MYO18B: variants seen among roughly 807,000 people sequenced by gnomAD.
MYO18B encodes unconventional myosin-XVIIIb.
In MYO18B, 204 loss-of-function variants were observed where a neutral mutation model predicts 273.0. The observed-to-expected ratio is 0.75, with a 90% confidence interval of 0.67 to 0.84. The LOEUF (loss-of-function observed/expected upper bound fraction) is 0.84, where lower values mean the gene tolerates loss of function less well. Ranked by LOEUF, MYO18B falls within the 40% of genes least tolerant of loss-of-function variation. The pLI is 0.00. For missense variants in MYO18B, 3,212 were observed against 3,287.6 expected (o/e 0.98, Z 0.56); for synonymous variants, 1,330 against 1,305.7 (o/e 1.02, Z -0.40).
Position 25,941,467 on chromosome 22 carries a change from G to A in MYO18B, c.5518-4670G>A, listed in dbSNP as rs143826732. ...TCTTCCTGGAGCTCCTCAGGGGAAG[G>A]CATTTTCAAAGGCGAGTCTGGCCAG... is the stretch of plus-strand genomic sequence containing the variant. On this transcript the variant is annotated intron_variant, in intron 34 of 43. Transcript: ENST00000335473. Among the ~76,000 whole-genome samples, 14 of 152,288 alleles carry A rather than the reference G, an allele frequency of 9.2e-5. No homozygotes were observed. The East Asian group carries it at 1.7e-3, about 19-fold the overall frequency.
rs151068851 is a variant in MYO18B, at chr22:25,895,139, C to T, written c.4544-17C>T. The T allele has an allele frequency of 1.2e-6, 2 of 1,611,636 alleles. No individual in the cohort carries two copies. Among genetic ancestry groups the T allele is most frequent in the African/African-American group, 1.3e-5 (1 of 75,040 alleles). On this transcript the variant is annotated splice_polypyrimidine_tract_variant and intron_variant, in intron 27 of 43. Coordinates refer to ENST00000335473, the MANE Select transcript of MYO18B (RefSeq NM_032608.7). Reference sequence around the variant, plus strand: ...CATTTGGCCTCTTATCCTGGTCTCCCTGACTCCGTTAAACAGCAGACGAGT... The same window carrying T: ...CATTTGGCCTCTTATCCTGGTCTCCTTGACTCCGTTAAACAGCAGACGAGT...
Position 25,750,465 on chromosome 22 carries a change from T to G in MYO18B, c.-110+8172T>G, listed in dbSNP as rs77180535. ...CTTCAGTTCTCCAGCATCCTTTTTT[T>G]CCCTCGCTGTCTGGCCTCCGATATG... On this transcript the variant is annotated intron_variant, in intron 1 of 43. Coordinates refer to ENST00000335473, the MANE Select transcript of MYO18B (RefSeq NM_032608.7). Among the ~76,000 whole-genome samples the G allele has an allele frequency of 7.9e-3, 1,204 of 152,258 alleles. 9 individuals are homozygous for G. The highest frequency in any genetic ancestry group is 0.013 in the Admixed American group (199 of 15,294).
At position 25,798,087 on chromosome 22, in the gene MYO18B, G is replaced by A. The variant is rs746741047; in HGVS notation, c.2511G>A (p.Gly837=). The change falls in exon 12 of 44, where the codon GGG becomes GGA. Residue 837 remains glycine (G), a synonymous_variant. Transcript: ENST00000335473. ...CCATCTACCACCTGGGTGCGGCGGGGGCCTGCAAAGGTACGTCCTTCCTGC... is the reference window on the plus strand; with the variant it reads ...CCATCTACCACCTGGGTGCGGCGGGAGCCTGCAAAGGTACGTCCTTCCTGC... ...LAAIYHLGAA[G]ACKVGRKQFM... is the part of the protein sequence containing the mutation. 6.2e-6 allele frequency: 10 copies of A among 1,607,208 alleles called. No homozygotes were observed. In the South Asian group the frequency reaches 1.1e-4, roughly 18 times the overall value.
At chr22:25,792,496 TC>T (rs1160075700) in intron 11 of MYO18B, among the ~76,000 whole-genome samples, 9 of 91,904 alleles carry the variant, frequency 9.8e-5, no homozygotes, top group African/African-American at 2.6e-4. Flanking sequence ...TTTTTTCTTT[TC>T]TTTTTTTTTT....
the MYO18B span, among the ~76,000 whole-genome samples, chr22:26,037,260 C>G: frequency 6.6e-6 from 1 of 152,190 alleles, no homozygotes; most frequent in Non-Finnish European, 1.5e-5. Context: ...TTAAATCCCT[C>G]TAATTCTTGG....
intron 18 of MYO18B, among the ~76,000 whole-genome samples, chr22:25,844,503 A>C (rs970600941): frequency 6.6e-6 from 1 of 152,184 alleles, no homozygotes; most frequent in Non-Finnish European, 1.5e-5. Context: ...AGAAAGAACC[A>C]CTTACTCACT....
At chr22:25,781,623 AAAG>A (rs1288125190) in intron 9 of MYO18B, 108 bp from the exon 10 acceptor site, 14 of 490,432 alleles carry the variant, frequency 2.9e-5, no homozygotes, top group Admixed American at 4.3e-5. Flanking sequence ...AAAAAAAAAA[AAAG>A]AGTGGATCAG....
intron 42 of MYO18B, among the ~76,000 whole-genome samples, chr22:26,022,155 T>C (rs1935874402): frequency 6.6e-6 from 1 of 151,764 alleles, no homozygotes; most frequent in African/African-American, 2.4e-5. Context: ...TCCCTCTCCC[T>C]GGCCCAGGCT....
At chr22:25,805,592 C>A (rs2088434318) in intron 12 of MYO18B, among the ~76,000 whole-genome samples, 1 of 152,202 alleles carries the variant, frequency 6.6e-6, no homozygotes, top group African/African-American at 2.4e-5. Flanking sequence ...CTACCCCGAT[C>A]TGTTCTCATG....
rs574762113 is a variant in MYO18B, at chr22:25,773,763, G to A, written c.1869+1253G>A. ...CAGGCATGAGCCACTGCGCCTGGCC[G>A]ATTTGTATCTATTTTTTATGAACTG... is the stretch of plus-strand genomic sequence containing the variant. On this transcript the variant is annotated intron_variant, in intron 7 of 43. Transcript: ENST00000335473. Among the ~76,000 whole-genome samples, 20 of 152,246 alleles carry A rather than the reference G, an allele frequency of 1.3e-4. No homozygotes were observed. In the South Asian group the frequency reaches 2.5e-3, roughly 19 times the overall value.
intron 43 of MYO18B, among the ~76,000 whole-genome samples, chr22:26,029,409 A>G (rs754446889): frequency 1.2e-4 from 18 of 152,156 alleles, no homozygotes; most frequent in Admixed American, 1.2e-3. Flanking sequence ...AGAGCAAACT[A>G]ATTTGACTTA....
intron 21 of MYO18B, among the ~76,000 whole-genome samples, chr22:25,856,518 G>A (rs1353696351): frequency 6.6e-6 from 1 of 152,252 alleles, no homozygotes; most frequent in Non-Finnish European, 1.5e-5. Context: ...CACCCCAGGA[G>A]ATGCCACTAA....
At chr22:25,943,380 G>C (rs11705457) in intron 34 of MYO18B, among the ~76,000 whole-genome samples, 48,333 of 151,986 alleles carry the variant, frequency 0.32, 8,961 homozygotes, top group Non-Finnish European at 0.43. Flanking sequence ...TGCCCTATTT[G>C]CAATCTGGTC....
At chr22:25,794,090 C>T (rs552240991) in intron 11 of MYO18B, among the ~76,000 whole-genome samples, 121 of 152,114 alleles carry the variant, frequency 8.0e-4, no homozygotes, top group African/African-American at 2.3e-3. Flanking sequence ...CCCGCCACCA[C>T]GCCAGGCTAA....
At chr22:25,978,633 T>C (rs1315347588) in intron 39 of MYO18B, among the ~76,000 whole-genome samples, 1 of 151,852 alleles carries the variant, frequency 6.6e-6, no homozygotes, top group Non-Finnish European at 1.5e-5. Context: ...GTGGTGTAGA[T>C]TGATGAGAGG....
chr22:25,828,697 G>T (rs2089586822), intron 14 of MYO18B, 79 bp from the exon 15 acceptor site: 5 of 1,428,556 alleles, frequency 3.5e-6, no homozygotes, highest in Admixed American at 1.9e-5. Flanking sequence ...TTTGAAACCA[G>T]TTCTGCTGGA....
intron 3 of MYO18B, 94 bp downstream of exon 3, chr22:25,763,483 G>C (rs2086401750): frequency 7.1e-6 from 10 of 1,416,352 alleles, no homozygotes; most frequent in Non-Finnish European, 9.5e-6. Flanking sequence ...TCCTGCCTTT[G>C]CTCCTGCTGT....
intron 33 of MYO18B, among the ~76,000 whole-genome samples, chr22:25,915,621 TA>T (rs891673622): frequency 2.6e-5 from 4 of 152,302 alleles, no homozygotes; most frequent in Admixed American, 1.3e-4. Context: ...TCTAATATCT[TA>T]AAAAAAGATG....
At position 25,895,149 on chromosome 22, in the gene MYO18B, T is replaced by G. The variant is rs1042829728; in HGVS notation, c.4544-7T>G. On this transcript the variant is annotated splice_region_variant and splice_polypyrimidine_tract_variant and intron_variant, in intron 27 of 43. Transcript: ENST00000335473. ...CTTATCCTGGTCTCCCTGACTCCGTTAAACAGCAGACGAGTGGCAGATGCG... is the reference window on the plus strand; with the variant it reads ...CTTATCCTGGTCTCCCTGACTCCGTGAAACAGCAGACGAGTGGCAGATGCG... The G allele has an allele frequency of 6.2e-7, 1 of 1,612,608 alleles. No individual in the cohort carries two copies. Among genetic ancestry groups the G allele is most frequent in the African/African-American group, 1.3e-5 (1 of 74,932 alleles).
Sources: gnomAD v4.1 joint callset for allele counts (sites outside exome capture counted in the v4.1 genomes callset) on GRCh38, gnomAD v4.1.1 for gene constraint, MANE v1.5 for transcripts, NCBI Gene and HGNC (gene_info 2026-07-23, HGNC 2026-07-21) for gene names.